USH2A: variants seen among roughly 807,000 people sequenced by gnomAD.
USH2A encodes usherin.
A neutral mutation model predicts 538.9 loss-of-function variants in USH2A; 443 were observed. That is an observed-to-expected ratio of 0.82 (90% CI 0.76 to 0.89). USH2A has a LOEUF of 0.89. USH2A is among the 40% of genes least tolerant of loss of function. The pLI is 0.00. For missense variants in USH2A, 6,633 were observed against 6,324.8 expected (o/e 1.05, Z -1.65); for synonymous variants, 2,413 against 2,273.5 (o/e 1.06, Z -1.75).
rs1657385168 is a variant in USH2A, at chr1:215,659,742, T to A, written c.14134-8941A>T. Among the ~76,000 whole-genome samples, 6 of 152,294 alleles carry A rather than the reference T, an allele frequency of 3.9e-5. No homozygotes were observed. In the South Asian group the frequency reaches 1.2e-3, roughly 32 times the overall value. Reference sequence around the variant, plus strand: ...GAGGATCCAGAATTGGTAATTCATGTAGCCTAGACTGCAACCCTAATCGGT... The same window carrying A: ...GAGGATCCAGAATTGGTAATTCATGAAGCCTAGACTGCAACCCTAATCGGT... On this transcript the variant is annotated intron_variant, in intron 64 of 71. Transcript: ENST00000307340.
chr1:216,078,951 T>C (rs2031844437), intron 26 of USH2A: 1 of 152,288 alleles, frequency 6.6e-6, no homozygotes, highest in African/African-American at 2.4e-5. Context: ...ATTAGATGAC[T>C]GTACCATTTT....
chr1:216,310,004 T>C (rs1020694998), intron 9 of USH2A, among the ~76,000 whole-genome samples: 2 of 152,120 alleles, frequency 1.3e-5, no homozygotes, highest in East Asian at 3.8e-4. Flanking sequence ...TGGTCTGTGG[T>C]TTTCTTTTCT....
At chr1:216,415,015 C>T (rs2039552349) in intron 3 of USH2A, among the ~76,000 whole-genome samples, 1 of 152,084 alleles carries the variant, frequency 6.6e-6, no homozygotes. Context: ...TAACAATCTA[C>T]ATTTCTCTAT....
At chr1:216,268,595 T>C (rs150788366) in intron 11 of USH2A, among the ~76,000 whole-genome samples, 1,768 of 152,224 alleles carry the variant, frequency 0.012, 31 homozygotes, top group Non-Finnish European at 0.015. Flanking sequence ...GGGCAGTACT[T>C]GCAAAGTGAA....
At chr1:216,355,933 T>C (rs1306392032) in intron 4 of USH2A, among the ~76,000 whole-genome samples, 2 of 152,146 alleles carry the variant, frequency 1.3e-5, no homozygotes, top group African/African-American at 2.4e-5. Flanking sequence ...CGAAATTTTA[T>C]TGAATACCTA....
chr1:215,741,835 A>G (rs1660314860), intron 59 of USH2A, among the ~76,000 whole-genome samples: 1 of 152,344 alleles, frequency 6.6e-6, no homozygotes, highest in Admixed American at 6.5e-5. Context: ...AGTTTATTAT[A>G]GTCATTCTAA....
chr1:215,675,065 C>T lies in USH2A; in HGVS notation c.12846G>A (p.Leu4282=). The T allele has an allele frequency of 5.0e-6, 8 of 1,614,128 alleles. No homozygotes were observed. Among genetic ancestry groups the T allele is most frequent in the Non-Finnish European group, 6.8e-6 (8 of 1,180,022 alleles). ...SYVSMNPQKL[L]ISWIPPEQSN... Reference sequence around the variant, plus strand: ...ACTGTTCTGGTGGGATCCAGGAAATCAGCAGTTTTTGGGGATTCATAGAAA... The same window carrying T: ...ACTGTTCTGGTGGGATCCAGGAAATTAGCAGTTTTTGGGGATTCATAGAAA... Residue 4282 remains leucine (L), a synonymous_variant, in exon 63 of 72, where the codon CTG becomes CTA. Transcript: ENST00000307340.
intron 17 of USH2A, 29 bp downstream of exon 17, chr1:216,199,598 A>C: frequency 6.2e-7 from 1 of 1,613,492 alleles, no homozygotes; most frequent in Non-Finnish European, 8.5e-7. Context: ...TCTTGACCAA[A>C]AAGGGGAATC....
rs1166623764 is a variant in USH2A, at chr1:216,176,230, A to AT, written c.4397-749dup. On this transcript the variant is annotated intron_variant, in intron 20 of 71. Coordinates refer to ENST00000307340, the MANE Select transcript of USH2A (RefSeq NM_206933.4). Reference sequence around the variant, plus strand: ...AATGTGCCAGGGGTAACCTTTATTTATTTTTTTTTTTAGAGATGGAGTCTC... The same window carrying AT: ...AATGTGCCAGGGGTAACCTTTATTTATTTTTTTTTTTTAGAGATGGAGTCTC... 3.8e-3 allele frequency among the ~76,000 whole-genome samples: 563 copies of AT among 146,364 alleles called. 3 individuals are homozygous for AT. Among genetic ancestry groups the AT allele is most frequent in the African/African-American group, 0.013 (508 of 40,238 alleles).
At chr1:215,760,561 T>G (rs1345942221) in intron 56 of USH2A, among the ~76,000 whole-genome samples, 1 of 152,194 alleles carries the variant, frequency 6.6e-6, no homozygotes, top group East Asian at 1.9e-4. Flanking sequence ...GCTTGACACC[T>G]CCATTTGGAT....
intron 32 of USH2A, among the ~76,000 whole-genome samples, chr1:216,029,065 T>C (rs1201697336): frequency 6.6e-6 from 1 of 152,150 alleles, no homozygotes; most frequent in Non-Finnish European, 1.5e-5. Context: ...TACCATTTTG[T>C]AGTAATTTTA....
intron 21 of USH2A, among the ~76,000 whole-genome samples, chr1:216,130,393 A>C (rs1209914353): frequency 5.3e-5 from 8 of 151,512 alleles, no homozygotes; most frequent in African/African-American, 1.9e-4. Flanking sequence ...CCCACTTTTG[A>C]GTGAGCATAT....
intron 26 of USH2A, among the ~76,000 whole-genome samples, chr1:216,081,450 G>T (rs879440911): frequency 6.6e-6 from 1 of 152,136 alleles, no homozygotes; most frequent in Admixed American, 6.5e-5. Context: ...GGGGTAATCT[G>T]GGAGCAGCCT....
intron 64 of USH2A, among the ~76,000 whole-genome samples, chr1:215,658,160 C>T (rs1657323502): frequency 6.6e-6 from 1 of 152,064 alleles, no homozygotes; most frequent in East Asian, 1.9e-4. Flanking sequence ...TGGTCTCGAT[C>T]TCCTGACCTC....
intron 70 of USH2A, chr1:215,629,934 C>T (rs1232231857): frequency 3.0e-6 from 1 of 329,052 alleles, no homozygotes; most frequent in Middle Eastern, 1.1e-3. Context: ...CGCCACCATG[C>T]CCGGCTAATT....
intron 35 of USH2A, among the ~76,000 whole-genome samples, chr1:215,988,885 A>G (rs937454717): frequency 6.6e-6 from 1 of 152,164 alleles, no homozygotes; most frequent in African/African-American, 2.4e-5. Context: ...GAGACAAGGA[A>G]GAGAACTGAA....
At chr1:216,329,872 G>C (rs995659994) in intron 4 of USH2A, among the ~76,000 whole-genome samples, 2 of 151,838 alleles carry the variant, frequency 1.3e-5, no homozygotes, top group Admixed American at 6.6e-5. Context: ...TCCTATTTTT[G>C]CCAACATAAT....
At chr1:215,867,660 G>C (rs944174292) in intron 43 of USH2A, among the ~76,000 whole-genome samples, 31 of 152,236 alleles carry the variant, frequency 2.0e-4, no homozygotes, top group African/African-American at 7.5e-4. Context: ...TAATCTCACT[G>C]CAGACAGATA....
At chr1:215,943,975 G>A (rs1666699297) in intron 37 of USH2A, among the ~76,000 whole-genome samples, 1 of 152,108 alleles carries the variant, frequency 6.6e-6, no homozygotes, top group Admixed American at 6.6e-5. Context: ...TATGGGTAGT[G>A]GGATTTTAGT....
Sources: gnomAD v4.1 joint callset for allele counts (sites outside exome capture counted in the v4.1 genomes callset) on GRCh38, gnomAD v4.1.1 for gene constraint, MANE v1.5 for transcripts, NCBI Gene and HGNC (gene_info 2026-07-23, HGNC 2026-07-21) for gene names.